Variants in PKIB observed in about 807,000 individuals in gnomAD.
The protein encoded by PKIB is PKI-beta.
PKIB carries 2 observed loss-of-function variants against 4.5 expected under a neutral mutation model. The observed-to-expected ratio is 0.44, with a 90% confidence interval of 0.18 to 1.39. PKIB has a LOEUF of 1.39. Ranked by LOEUF, PKIB falls within the 40% of genes most tolerant of loss-of-function variation. The pLI is 0.27. For missense variants in PKIB, 94 were observed against 92.6 expected, an observed-to-expected ratio of 1.02 and a Z score of -0.06; for synonymous variants, 38 against 36.0, an observed-to-expected ratio of 1.06 and a Z score of -0.20.
intron 2 of PKIB, among the ~76,000 whole-genome samples, chr6:122,568,310 C>T (rs1214902204): frequency 6.6e-6 from 1 of 152,038 alleles, no homozygotes; most frequent in Non-Finnish European, 1.5e-5. Flanking sequence ...AGGAATTTAC[C>T]ATAAAATCTG....
In PKIB at chr6:122,649,488, A is replaced by C. The variant is rs545237015; in HGVS notation, c.-76+16121A>C. On this transcript the variant is annotated intron_variant, in intron 2 of 4. Transcript: ENST00000368452. Reference sequence around the variant, plus strand: ...GTCAATTGGTTGCTGGGAACTCCCCAGGAGACCCTAGGTACTGACTGGTAG... The same window carrying C: ...GTCAATTGGTTGCTGGGAACTCCCCCGGAGACCCTAGGTACTGACTGGTAG... 1.2e-3 allele frequency among the ~76,000 whole-genome samples: 188 copies of C among 152,346 alleles called. 1 individual carries two copies. Among genetic ancestry groups the C allele is most frequent in the Non-Finnish European group, 1.5e-3 (99 of 68,028 alleles).
intron 2 of PKIB, among the ~76,000 whole-genome samples, chr6:122,547,179 G>T (rs1225153315): frequency 6.6e-6 from 1 of 152,070 alleles, no homozygotes; most frequent in Non-Finnish European, 1.5e-5. Context: ...TGTTCTGAAA[G>T]AAGAAACAAG....
chr6:122,648,860 A>C (rs1472883440), intron 2 of PKIB, among the ~76,000 whole-genome samples: 1 of 152,172 alleles, frequency 6.6e-6, no homozygotes, highest in Non-Finnish European at 1.5e-5. Flanking sequence ...CAGATTGGCC[A>C]CTCAGCAGTG....
At chr6:122,607,524 AAAC>A (rs901776464), upstream of PKIB, among the ~76,000 whole-genome samples, 1 of 152,090 alleles carries the variant, frequency 6.6e-6, no homozygotes, top group Non-Finnish European at 1.5e-5. Context: ...TCTCAAAAAC[AAAC>A]AACACGTAGA....
At chr6:122,527,465 C>A (rs1777127551) in intron 2 of PKIB, among the ~76,000 whole-genome samples, 1 of 151,998 alleles carries the variant, frequency 6.6e-6, no homozygotes. Context: ...TTTATTTGAA[C>A]ACTTAGATGC....
At chr6:122,546,329 A>G (rs1772492545) in intron 2 of PKIB, among the ~76,000 whole-genome samples, 1 of 151,510 alleles carries the variant, frequency 6.6e-6, no homozygotes, top group South Asian at 2.1e-4. Context: ...GCTCATCACC[A>G]GATTACTCAC....
intron 2 of PKIB, among the ~76,000 whole-genome samples, chr6:122,657,819 C>A (rs1400148810): frequency 1.3e-5 from 2 of 152,310 alleles, no homozygotes; most frequent in Non-Finnish European, 2.9e-5. Flanking sequence ...AATAAAAATT[C>A]TTTCAGTCCA....
chr6:122,618,639 C>T (rs1415086356), intron 1 of PKIB, among the ~76,000 whole-genome samples: 1 of 151,978 alleles, frequency 6.6e-6, no homozygotes, highest in East Asian at 1.9e-4. Flanking sequence ...ATATCATATT[C>T]CCTGTTTCCC....
Position 122,541,030 on chromosome 6 carries a change from G to T in PKIB, c.-247-44891G>T, listed in dbSNP as rs1432005932. Among the ~76,000 whole-genome samples the T allele has an allele frequency of 1.1e-4, 17 of 150,474 alleles. 1 individual carries two copies. Among genetic ancestry groups the T allele is most frequent in the Non-Finnish European group, 2.1e-4 (14 of 67,762 alleles). On this transcript the variant is annotated intron_variant, in intron 2 of 6. Transcript: ENST00000392491. ...CCTGCCTTTTTTTTGTTTTCCATTT[G>T]CTTGGTAGATCTTCCTCCATCCTTT...
intron 2 of PKIB, among the ~76,000 whole-genome samples, chr6:122,528,376 G>A (rs1415722990): frequency 6.6e-6 from 1 of 152,064 alleles, no homozygotes; most frequent in Non-Finnish European, 1.5e-5. Context: ...CAGTGTCTTA[G>A]TAAGCTCAGG....
intron 2 of PKIB, chr6:122,481,200 C>T (rs878961150): frequency 2.0e-5 from 3 of 152,180 alleles, no homozygotes; most frequent in Non-Finnish European, 4.4e-5. Context: ...AGCACTATCA[C>T]TCCTGAGGCA....
At chr6:122,496,295 A>G (rs776933567) in intron 2 of PKIB, among the ~76,000 whole-genome samples, 3 of 152,206 alleles carry the variant, frequency 2.0e-5, no homozygotes, top group Non-Finnish European at 4.4e-5. Flanking sequence ...CCAGATTTGA[A>G]AGAACTAGTA....
At chr6:122,593,151 C>G (rs990140591) in intron 3 of PKIB, among the ~76,000 whole-genome samples, 7 of 152,122 alleles carry the variant, frequency 4.6e-5, no homozygotes, top group Non-Finnish European at 8.8e-5. Flanking sequence ...ATCTAACACA[C>G]CAGGCCAACT....
chr6:122,537,351 G>A (rs1194153538), intron 2 of PKIB, among the ~76,000 whole-genome samples: 3 of 151,844 alleles, frequency 2.0e-5, no homozygotes, highest in East Asian at 3.9e-4. Context: ...AGTGTGTGAT[G>A]TTCCCCTTCC....
At chr6:122,571,796 C>G (rs910381840) in intron 2 of PKIB, among the ~76,000 whole-genome samples, 2 of 152,134 alleles carry the variant, frequency 1.3e-5, no homozygotes, top group African/African-American at 4.8e-5. Flanking sequence ...AAGCATAAAT[C>G]TCACAGGGCC....
chr6:122,473,400 C>T (rs1775362448), intron 1 of PKIB, among the ~76,000 whole-genome samples: 1 of 152,078 alleles, frequency 6.6e-6, no homozygotes. Flanking sequence ...AGTTCTTGCA[C>T]TATTCAATAG....
At chr6:122,486,704 G>T (rs1157439390) in intron 2 of PKIB, among the ~76,000 whole-genome samples, 1 of 152,026 alleles carries the variant, frequency 6.6e-6, no homozygotes, top group Admixed American at 6.5e-5. Flanking sequence ...TAGTTAGAGT[G>T]AATTTTATTA....
chr6:122,577,180 TC>T (rs1773567117), intron 2 of PKIB, among the ~76,000 whole-genome samples: 1 of 152,342 alleles, frequency 6.6e-6, no homozygotes, highest in East Asian at 1.9e-4. Flanking sequence ...TGGCTTGATT[TC>T]AGCATTTAGC....
rs573595107 is a variant in PKIB at position 122,538,078 on chromosome 6, G to T, written c.-247-47843G>T. On this transcript the variant is annotated intron_variant, in intron 2 of 6. Transcript: ENST00000392491. Reference sequence around the variant, plus strand: ...AGTTCATTGTAGATTCTGGATATTAGCCCTTTGTCAGATGAGTAGGTTGTG... The same window carrying T: ...AGTTCATTGTAGATTCTGGATATTATCCCTTTGTCAGATGAGTAGGTTGTG... 5.4e-4 allele frequency among the ~76,000 whole-genome samples: 82 copies of T among 151,956 alleles called. 2 individuals carry two copies. The highest frequency in any genetic ancestry group is 2.0e-3 in the African/African-American group (82 of 41,392).
Sources: allele counts gnomAD v4.1 joint callset (sites outside exome capture counted in the v4.1 genomes callset), GRCh38; gene constraint gnomAD v4.1.1; transcripts MANE v1.5; gene names NCBI Gene and HGNC (gene_info 2026-07-23, HGNC 2026-07-21).